Variants in GRK1 observed in about 807,000 individuals in gnomAD.
GRK1 encodes the protein rhodopsin kinase GRK1.
Under a neutral mutation model 41.7 loss-of-function variants are expected in GRK1, and 28 were observed. The observed-to-expected ratio is 0.67, with a 90% CI of 0.50 to 0.92. GRK1 has a LOEUF of 0.92. Ranked by LOEUF, GRK1 falls within the 40% of genes least tolerant of loss-of-function variation. GRK1 has a pLI of 0.00. For synonymous variants in GRK1, 327 were observed against 286.7 expected (o/e 1.14, Z -1.42); for missense variants, 703 against 671.2 (o/e 1.05, Z -0.52).
At chr13:113,668,874 C>T (rs920031256) in intron 1 of GRK1, among the ~76,000 whole-genome samples, 3 of 152,266 alleles carry the variant, frequency 2.0e-5, no homozygotes, top group African/African-American at 7.2e-5. Flanking sequence ...CACCCTGGCT[C>T]TGCGGAACCT....
chr13:113,726,611 T>C, intron 4 of GRK1: 1 of 154,808 alleles, frequency 6.5e-6, no homozygotes, highest in South Asian at 1.7e-4. Flanking sequence ...TCAGGAGGCC[T>C]GGGGCACAAA....
chr13:113,731,375 C>T lies in GRK1; in HGVS notation c.1194+32C>T. The T allele has an allele frequency of 6.5e-7, 1 of 1,536,126 alleles. No individual in the cohort carries two copies. The highest frequency in any genetic ancestry group is 2.4e-5 in the East Asian group (1 of 40,894). On this transcript the variant is annotated intron_variant, in intron 5 of 6. Coordinates refer to ENST00000335678, the MANE Select transcript of GRK1 (RefSeq NM_002929.3). This position sits in a 1 kb window ranked among gnomAD's most constrained non-coding sequence, Gnocchi z 5.6. ...GGCGGCCGGCAGGTGTCTCTGCAGC[C>T]ACCTTGGCGCCCTGGCTCTCGATGG...
Position 113,667,691 on chromosome 13 carries a change from T to A in GRK1, c.305T>A (p.Leu102His). Reference protein sequence around the residue: ...IEDYDTADNDLQPQKAQTILA... With the variant: ...IEDYDTADNDHQPQKAQTILA... ...GACTATGACACGGCAGACAATGACC[T>A]CCAGCCACAGAAGGCCCAGACCATC... The change falls in exon 1 of 7, where the codon CTC (leucine) becomes CAC (histidine). Residue 102 changes from leucine (L) to histidine (H), a missense_variant. By Grantham distance (99) the Leu-to-His change is moderately conservative. Transcript: ENST00000335678. The surrounding 1 kb of genome is among the most constrained non-coding windows in gnomAD (Gnocchi z 7.5). 3 of 1,612,512 alleles carry A rather than the reference T, an allele frequency of 1.9e-6. No individual in the cohort carries two copies. Among genetic ancestry groups the A allele is most frequent in the South Asian group, 1.1e-5 (1 of 91,076 alleles).
upstream of GRK1, among the ~76,000 whole-genome samples, chr13:113,663,269 G>T (rs1038241108): frequency 6.6e-6 from 1 of 152,206 alleles, no homozygotes; most frequent in Admixed American, 6.5e-5. Flanking sequence ...AACAGTGCTG[G>T]AGCTATTGGA....
At chr13:113,728,753 A>T (rs2049912535) in intron 4 of GRK1, among the ~76,000 whole-genome samples, 1 of 152,158 alleles carries the variant, frequency 6.6e-6, no homozygotes, top group South Asian at 2.1e-4. Flanking sequence ...TCACAAGGAG[A>T]GGGAAGCCTC....
Position 113,729,850 on chromosome 13 carries a change from A to C in GRK1, c.1070-1369A>C, listed in dbSNP as rs141737724. Among the ~76,000 whole-genome samples the C allele has an allele frequency of 5.4e-3, 814 of 149,732 alleles. 7 individuals are homozygous for C. Among genetic ancestry groups the C allele is most frequent in the African/African-American group, 0.019 (782 of 40,376 alleles). On this transcript the variant is annotated intron_variant, in intron 4 of 6. Transcript: ENST00000335678. ...CCCAGACCCGTCCTTCCATCCCGAG[A>C]CAGTCCCCATGGATGCGCCCAGACC...
At chr13:113,729,032 G>A (rs2049914451) in intron 4 of GRK1, among the ~76,000 whole-genome samples, 2 of 152,310 alleles carry the variant, frequency 1.3e-5, no homozygotes, top group South Asian at 2.1e-4. Context: ...GGAAGGGCTC[G>A]AGAGGTGCTT....
chr13:113,657,198 G>T, the GRK1 span, among the ~76,000 whole-genome samples: 5 of 151,982 alleles, frequency 3.3e-5, no homozygotes, highest in Non-Finnish European at 5.9e-5. Flanking sequence ...TTCCCACCTC[G>T]GCTCTGGGAC....
the GRK1 span, among the ~76,000 whole-genome samples, chr13:113,648,422 A>C: frequency 1.3e-5 from 2 of 152,220 alleles, no homozygotes; most frequent in African/African-American, 4.8e-5. Flanking sequence ...ATGTGAAATC[A>C]GGACCCAGGC....
In GRK1 at chr13:113,668,049, G is replaced by A. The variant is rs2049831594; in HGVS notation, c.663G>A (p.Leu221=). Reference sequence around the variant, plus strand: ...GCAAGCTGTATGCCTGCAAGAAGCTGAACAAGAAGCGGCTGAAGAAGAGGA... The same window carrying A: ...GCAAGCTGTATGCCTGCAAGAAGCTAAACAAGAAGCGGCTGAAGAAGAGGA... The part of the protein sequence containing the change: ...ATGKLYACKK[L]NKKRLKKRKG... The change falls in exon 1 of 7, where the codon CTG becomes CTA. Residue 221 remains leucine (L), a synonymous_variant. Transcript: ENST00000335678. 6.2e-7 allele frequency: 1 copy of A among 1,610,732 alleles called. No homozygotes were observed. The highest frequency in any genetic ancestry group is 8.5e-7 in the Non-Finnish European group (1 of 1,178,646).
the GRK1 span, chr13:113,650,373 G>A: frequency 2.5e-6 from 4 of 1,583,878 alleles, no homozygotes; most frequent in African/African-American, 5.4e-5. This position sits in a 1 kb window ranked among gnomAD's most constrained non-coding sequence, Gnocchi z 5.0. Flanking sequence ...CTCAGCAGCT[G>A]TGGTGAGGGA....
intron 4 of GRK1, among the ~76,000 whole-genome samples, chr13:113,728,211 G>T (rs561702642): frequency 3.1e-5 from 4 of 127,618 alleles, no homozygotes; most frequent in Non-Finnish European, 6.5e-5. Flanking sequence ...GAGTACCCAT[G>T]GCGATGAGGA....
chr13:113,731,363 T>A lies in GRK1; in HGVS notation c.1194+20T>A. The A allele has an allele frequency of 1.3e-6, 2 of 1,535,976 alleles. No homozygotes were observed. The highest frequency in any genetic ancestry group is 1.7e-6 in the Non-Finnish European group (2 of 1,146,532). ...GAGAAGGTAGGAGGCGGCCGGCAGG[T>A]GTCTCTGCAGCCACCTTGGCGCCCT... On this transcript the variant is annotated intron_variant, in intron 5 of 6. Transcript: ENST00000335678. This position sits in a 1 kb window ranked among gnomAD's most constrained non-coding sequence, Gnocchi z 5.6.
chr13:113,668,802 T>C (rs958472667), intron 1 of GRK1, among the ~76,000 whole-genome samples: 25 of 152,304 alleles, frequency 1.6e-4, no homozygotes, highest in Non-Finnish European at 3.2e-4. Context: ...CTGGCCCCTC[T>C]CCCACCACGC....
intron 6 of GRK1, among the ~76,000 whole-genome samples, chr13:113,733,937 C>CA (rs2049976463): frequency 2.1e-5 from 2 of 95,738 alleles, no homozygotes; most frequent in African/African-American, 1.0e-4. Flanking sequence ...TGTGTGCATA[C>CA]GTGTGTGCGT....
chr13:113,650,564 G>A, the GRK1 span: 8 of 1,439,166 alleles, frequency 5.6e-6, no homozygotes, highest in East Asian at 2.3e-5. The surrounding 1 kb of genome is among the most constrained non-coding windows in gnomAD (Gnocchi z 5.0). Context: ...GCCGGTGTCT[G>A]TGTGTTGCGT....
intron 4 of GRK1, among the ~76,000 whole-genome samples, chr13:113,729,863 A>C (rs1199210273): frequency 3.4e-4 from 35 of 103,878 alleles, no homozygotes; most frequent in African/African-American, 5.0e-4. Flanking sequence ...GTCCCCATGG[A>C]TGCGCCCAGA....
In GRK1 at chr13:113,667,282, G is replaced by A. The variant is rs1445962204; in HGVS notation, c.-105G>A. ...CTCTCGTCCAGCAAGGGCAGGGACG[G>A]GCCACAGGCCAAGGGCAGCAGTCAG... On this transcript the variant is annotated 5_prime_UTR_variant, in exon 1 of 7. Coordinates refer to ENST00000335678, the MANE Select transcript of GRK1 (RefSeq NM_002929.3). The surrounding 1 kb of genome is among the most constrained non-coding windows in gnomAD (Gnocchi z 7.5). 51 of 1,155,078 alleles carry A rather than the reference G, an allele frequency of 4.4e-5. No homozygotes were observed. Among genetic ancestry groups the A allele is most frequent in the Middle Eastern group, 2.8e-4 (1 of 3,590 alleles). The allele number at this position is 1,155,078 out of a possible 1,614,324, so 71.6% of individuals were successfully genotyped here. A position where few individuals can be genotyped will look rare whatever the true frequency, so the allele number is the denominator to read the frequency against.
chr13:113,654,526 TA>T, the GRK1 span, among the ~76,000 whole-genome samples: 4 of 152,280 alleles, frequency 2.6e-5, no homozygotes, highest in African/African-American at 9.6e-5. Context: ...TTCTGTTTCA[TA>T]ATTAAAACTA....
Sources: allele counts gnomAD v4.1 joint callset (sites outside exome capture counted in the v4.1 genomes callset), GRCh38; gene constraint gnomAD v4.1.1; non-coding constraint Gnocchi (gnomAD v3.1); transcripts MANE v1.5; gene names NCBI Gene and HGNC (gene_info 2026-07-23, HGNC 2026-07-21).